Variants in RAD51B observed in about 807,000 individuals in gnomAD.
RAD51B encodes the protein RAD51 paralog B.
In RAD51B, 38 loss-of-function variants were observed where a neutral mutation model predicts 42.2. That is an observed-to-expected ratio of 0.90 (90% CI 0.70 to 1.18). RAD51B has a LOEUF of 1.18. RAD51B is among the 50% of genes most tolerant of loss of function. RAD51B has a pLI of 0.00. For missense variants in RAD51B, 373 were observed against 400.7 expected, an observed-to-expected ratio of 0.93 and a Z score of 0.59; for synonymous variants, 154 against 145.2, an observed-to-expected ratio of 1.06 and a Z score of -0.43.
At chr14:67,949,036 G>A (rs537899417) in intron 7 of RAD51B, among the ~76,000 whole-genome samples, 2 of 150,176 alleles carry the variant, frequency 1.3e-5, no homozygotes, top group South Asian at 2.1e-4. Context: ...TGAGTCATAA[G>A]CTTTTTGCTG....
chr14:67,962,310 T>C (rs2074686600), intron 7 of RAD51B, among the ~76,000 whole-genome samples: 1 of 152,140 alleles, frequency 6.6e-6, no homozygotes, highest in Admixed American at 6.5e-5. Flanking sequence ...ATAGCAAAAC[T>C]TCACTGAAAT....
chr14:68,025,083 T>C (rs1336667852), intron 7 of RAD51B, among the ~76,000 whole-genome samples: 1 of 152,128 alleles, frequency 6.6e-6, no homozygotes, highest in Non-Finnish European at 1.5e-5. Flanking sequence ...TATTGAAAGC[T>C]TTTTCTGCAT....
intron 7 of RAD51B, among the ~76,000 whole-genome samples, chr14:67,976,636 A>G (rs1177392034): frequency 3.9e-5 from 6 of 152,128 alleles, no homozygotes; most frequent in African/African-American, 1.2e-4. Flanking sequence ...AGGCAATACA[A>G]TTCAGGACAT....
chr14:68,670,945 C>G (rs1893143281), intron 11 of RAD51B, among the ~76,000 whole-genome samples: 1 of 152,180 alleles, frequency 6.6e-6, no homozygotes, highest in African/African-American at 2.4e-5. Flanking sequence ...CTCACAGACC[C>G]TCCAAGGATA....
chr14:67,866,271 AAAG>A (rs1451284310), intron 5 of RAD51B, among the ~76,000 whole-genome samples: 1 of 152,256 alleles, frequency 6.6e-6, no homozygotes, highest in Non-Finnish European at 1.5e-5. Context: ...TGGTTAAAAA[AAAG>A]AACAGAAGAA....
At chr14:67,910,937 G>A (rs1297183921) in intron 7 of RAD51B, among the ~76,000 whole-genome samples, 1 of 151,748 alleles carries the variant, frequency 6.6e-6, no homozygotes, top group Non-Finnish European at 1.5e-5. Flanking sequence ...TCAGCCTCCT[G>A]AGTAGCTGGG....
At chr14:68,265,233 T>C (rs1223958846) in intron 7 of RAD51B, among the ~76,000 whole-genome samples, 1 of 152,244 alleles carries the variant, frequency 6.6e-6, no homozygotes, top group Non-Finnish European at 1.5e-5. Flanking sequence ...AGAGTTACTG[T>C]ATGTTTCAAA....
At chr14:68,543,002 C>G (rs1888046253) in intron 10 of RAD51B, among the ~76,000 whole-genome samples, 1 of 152,244 alleles carries the variant, frequency 6.6e-6, no homozygotes, top group South Asian at 2.1e-4. Flanking sequence ...CTCCCATTCT[C>G]TAACCCAAGT....
intron 7 of RAD51B, among the ~76,000 whole-genome samples, chr14:68,001,006 T>A (rs1419952784): frequency 1.3e-5 from 2 of 152,172 alleles, no homozygotes; most frequent in Non-Finnish European, 2.9e-5. Context: ...ATTTCTCTAT[T>A]TAGGTATTCT....
intron 10 of RAD51B, among the ~76,000 whole-genome samples, chr14:68,472,372 G>A (rs1462195165): frequency 2.0e-5 from 3 of 152,182 alleles, no homozygotes; most frequent in Non-Finnish European, 4.4e-5. Flanking sequence ...GAGGCCTAGA[G>A]GAAAACCCAG....
At chr14:68,401,642 A>G (rs1242429472) in intron 8 of RAD51B, among the ~76,000 whole-genome samples, 9 of 152,124 alleles carry the variant, frequency 5.9e-5, no homozygotes, top group Non-Finnish European at 1.3e-4. Flanking sequence ...CAGCCAAGAG[A>G]CATCAGGAAT....
chr14:67,992,580 C>T (rs1050791096), intron 7 of RAD51B, among the ~76,000 whole-genome samples: 6 of 152,084 alleles, frequency 3.9e-5, no homozygotes, highest in African/African-American at 9.7e-5. Context: ...TACTCTCTGT[C>T]GTTTGGCTAA....
chr14:67,999,621 A>G (rs750961263), intron 7 of RAD51B, among the ~76,000 whole-genome samples: 6 of 152,226 alleles, frequency 3.9e-5, no homozygotes, highest in African/African-American at 9.6e-5. Flanking sequence ...TAGTTTTCCA[A>G]CTGCAGAATG....
At chr14:68,065,745 C>G (rs187173055) in intron 7 of RAD51B, among the ~76,000 whole-genome samples, 210 of 152,044 alleles carry the variant, frequency 1.4e-3, no homozygotes, top group Non-Finnish European at 2.4e-3. Context: ...TATGGAGCAC[C>G]CTGGGCAGCT....
At chr14:67,861,196 C>G (rs976286901) in intron 4 of RAD51B, among the ~76,000 whole-genome samples, 1 of 149,032 alleles carries the variant, frequency 6.7e-6, no homozygotes, top group Non-Finnish European at 1.5e-5. Context: ...CTGTCACAAA[C>G]CAAAACAAAA....
chr14:68,341,994 GAA>G, intron 8 of RAD51B, among the ~76,000 whole-genome samples: 1 of 150,094 alleles, frequency 6.7e-6, no homozygotes, highest in African/African-American at 2.4e-5. Flanking sequence ...TATAGTGTAA[GAA>G]AAAAAAAATC....
intron 7 of RAD51B, among the ~76,000 whole-genome samples, chr14:67,901,893 G>A (rs1877363231): frequency 1.3e-5 from 2 of 152,032 alleles, no homozygotes; most frequent in Admixed American, 1.3e-4. Flanking sequence ...ATAGACAGTG[G>A]AGACTGGGAA....
At chr14:68,535,950 G>A (rs549935480) in intron 10 of RAD51B, among the ~76,000 whole-genome samples, 2 of 152,292 alleles carry the variant, frequency 1.3e-5, no homozygotes, top group South Asian at 4.1e-4. Flanking sequence ...AAATGCTTCT[G>A]GCTAATGTAA....
intron 10 of RAD51B, among the ~76,000 whole-genome samples, chr14:68,592,380 A>G (rs1890792333): frequency 6.6e-6 from 1 of 152,096 alleles, no homozygotes; most frequent in Admixed American, 6.6e-5. Context: ...TACAATAATA[A>G]CAATCATAAT....
Sources: gnomAD v4.1 joint callset for allele counts (sites outside exome capture counted in the v4.1 genomes callset) on GRCh38, gnomAD v4.1.1 for gene constraint, MANE v1.5 for transcripts, NCBI Gene and HGNC (gene_info 2026-07-23, HGNC 2026-07-21) for gene names.